ANAPC10: variants seen among roughly 807,000 people sequenced by gnomAD.
ANAPC10 encodes the protein anaphase promoting complex subunit 10.
In ANAPC10, 12 loss-of-function variants were observed where a neutral mutation model predicts 22.0. The observed-to-expected ratio is 0.55, with a 90% CI of 0.35 to 0.88. The LOEUF (loss-of-function observed/expected upper bound fraction) is 0.88, where lower values mean the gene tolerates loss of function less well. Among genes scored for constraint, ANAPC10 ranks in the 40% least tolerant of loss-of-function variants. The pLI, the probability that ANAPC10 is intolerant of heterozygous loss-of-function variation, is 0.01. For synonymous variants in ANAPC10, 65 were observed against 69.5 expected (o/e 0.94, Z 0.32); for missense variants, 188 against 220.9 (o/e 0.85, Z 0.94).
intron 4 of ANAPC10, among the ~76,000 whole-genome samples, chr4:145,019,591 A>G (rs1201293077): frequency 2.0e-5 from 3 of 152,166 alleles, no homozygotes; most frequent in Admixed American, 2.0e-4. Context: ...GGAAATGACC[A>G]AGATCAGAGC....
chr4:145,026,957 G>GTGTGTGTGTA (rs1343774253), intron 4 of ANAPC10, among the ~76,000 whole-genome samples: 11 of 18,350 alleles, frequency 6.0e-4, no homozygotes, highest in Non-Finnish European at 6.6e-4. Flanking sequence ...GTGTGTGTGT[G>GTGTGTGTGTA]TATATATATA....
chr4:145,059,862 T>A (rs1245672800), intron 4 of ANAPC10, among the ~76,000 whole-genome samples: 2 of 151,714 alleles, frequency 1.3e-5, no homozygotes. Context: ...AAAAAAAAAA[T>A]CTCACACATT....
intron 4 of ANAPC10, among the ~76,000 whole-genome samples, chr4:145,055,925 G>GT (rs1380377086): frequency 6.6e-6 from 1 of 152,058 alleles, no homozygotes; most frequent in Non-Finnish European, 1.5e-5. Flanking sequence ...TATGTTTTTT[G>GT]CAATTAAAAA....
chr4:145,052,121 T>C (rs1056534279), intron 4 of ANAPC10, among the ~76,000 whole-genome samples: 2 of 151,992 alleles, frequency 1.3e-5, no homozygotes, highest in African/African-American at 2.4e-5. Context: ...AGGGGGACAG[T>C]TGGGAGATGT....
At chr4:145,095,886 G>A in intron 2 of ANAPC10, 99 bp downstream of exon 2, 1 of 1,516,344 alleles carries the variant, frequency 6.6e-7, no homozygotes, top group Non-Finnish European at 9.1e-7. Flanking sequence ...GGCATCCACT[G>A]GGAGTCCTGG....
intron 4 of ANAPC10, among the ~76,000 whole-genome samples, chr4:145,062,453 A>T (rs533822698): frequency 6.6e-6 from 1 of 152,174 alleles, no homozygotes; most frequent in East Asian, 1.9e-4. Context: ...TAAAAATAGA[A>T]AAAATTAGCT....
intron 3 of ANAPC10, among the ~76,000 whole-genome samples, chr4:145,075,742 C>G (rs1178479504): frequency 1.3e-5 from 2 of 152,206 alleles, no homozygotes; most frequent in Admixed American, 6.5e-5. Context: ...CACAACCCCC[C>G]CAGGCATCTG....
chr4:145,048,576 T>C (rs778983524), intron 4 of ANAPC10, among the ~76,000 whole-genome samples: 1 of 152,084 alleles, frequency 6.6e-6, no homozygotes, highest in Non-Finnish European at 1.5e-5. Flanking sequence ...ACTAATACCA[T>C]CTACTGGTAG....
chr4:145,029,358 G>A (rs905851492), intron 4 of ANAPC10, among the ~76,000 whole-genome samples: 13 of 152,080 alleles, frequency 8.5e-5, no homozygotes, highest in Admixed American at 2.6e-4. Context: ...AGCCACCCCC[G>A]ACACCCTTGT....
At chr4:144,996,318 T>C (rs2126821145) in intron 4 of ANAPC10, among the ~76,000 whole-genome samples, 1 of 152,202 alleles carries the variant, frequency 6.6e-6, no homozygotes, top group South Asian at 2.1e-4. Flanking sequence ...GAAAGGAAAC[T>C]CAGAATCTCA....
intron 4 of ANAPC10, among the ~76,000 whole-genome samples, chr4:145,048,141 C>G (rs548722455): frequency 2.0e-5 from 3 of 152,096 alleles, no homozygotes; most frequent in Non-Finnish European, 4.4e-5. Context: ...AAAGCTAAAA[C>G]GGACGCCCCT....
At chr4:145,004,806 C>A (rs1257546741) in intron 4 of ANAPC10, among the ~76,000 whole-genome samples, 1 of 151,978 alleles carries the variant, frequency 6.6e-6, no homozygotes, top group African/African-American at 2.4e-5. Flanking sequence ...CTGAAGTTTT[C>A]TTTTTTGTTG....
chr4:145,043,855 G>A (rs1053168001), intron 4 of ANAPC10, among the ~76,000 whole-genome samples: 5 of 151,324 alleles, frequency 3.3e-5, no homozygotes, highest in Admixed American at 1.3e-4. Flanking sequence ...TTTTCCCTTT[G>A]AAAACCAAAC....
intron 4 of ANAPC10, among the ~76,000 whole-genome samples, chr4:145,016,335 CAGAG>C (rs1007228528): frequency 7.2e-5 from 11 of 152,090 alleles, no homozygotes; most frequent in Non-Finnish European, 1.3e-4. Context: ...AACAAACAAA[CAGAG>C]AGCCAAATCA....
chr4:145,057,977 T>C (rs1387588078), intron 4 of ANAPC10, among the ~76,000 whole-genome samples: 1 of 152,150 alleles, frequency 6.6e-6, no homozygotes. Context: ...ATCTACCTGG[T>C]CTCTAGGTGC....
At chr4:145,070,024 CT>C (rs1367348948) in intron 3 of ANAPC10, among the ~76,000 whole-genome samples, 7 of 152,024 alleles carry the variant, frequency 4.6e-5, no homozygotes, top group Non-Finnish European at 2.9e-5. Flanking sequence ...TTTAAAGTCC[CT>C]AATCTATAAT....
intron 4 of ANAPC10, among the ~76,000 whole-genome samples, chr4:145,021,650 T>C: frequency 6.6e-6 from 1 of 152,044 alleles, no homozygotes; most frequent in Non-Finnish European, 1.5e-5. Context: ...CCAAAGCAAA[T>C]GCAATAAAAA....
At chr4:145,069,211 G>A (rs1036568634) in intron 3 of ANAPC10, among the ~76,000 whole-genome samples, 4 of 152,130 alleles carry the variant, frequency 2.6e-5, no homozygotes, top group African/African-American at 9.7e-5. Context: ...GGTCCTGAGA[G>A]AAAGAAAATA....
At chr4:145,006,646 T>C (rs1279187008) in intron 4 of ANAPC10, among the ~76,000 whole-genome samples, 1 of 152,206 alleles carries the variant, frequency 6.6e-6, no homozygotes, top group Non-Finnish European at 1.5e-5. Flanking sequence ...GATAATTTTA[T>C]TTCTGTATAA....
Sources: gnomAD v4.1 joint callset for allele counts (sites outside exome capture counted in the v4.1 genomes callset) on GRCh38, gnomAD v4.1.1 for gene constraint, MANE v1.5 for transcripts, NCBI Gene and HGNC (gene_info 2026-07-23, HGNC 2026-07-21) for gene names.